B3GALT5: variants seen among roughly 807,000 people sequenced by gnomAD.
B3GALT5 encodes the protein beta-1,3-galactosyltransferase 5, also known as UDP-Gal:betaGlcNAc beta 1,3-galactosyltransferase, polypeptide 5.
For synonymous variants in B3GALT5, 156 were observed against 158.6 expected (o/e 0.98, Z 0.12); for missense variants, 328 against 396.6 (o/e 0.83, Z 1.47).
At chr21:39,618,389 A>G (rs2079117880) in intron 1 of B3GALT5, among the ~76,000 whole-genome samples, 1 of 152,194 alleles carries the variant, frequency 6.6e-6, no homozygotes, top group South Asian at 2.1e-4. Flanking sequence ...GATTTGTACC[A>G]ATTTATGCTC....
At chr21:39,656,665 T>C (rs935940926) in intron 2 of B3GALT5, among the ~76,000 whole-genome samples, 10 of 152,204 alleles carry the variant, frequency 6.6e-5, no homozygotes, top group Non-Finnish European at 1.5e-4. Context: ...TTCCAGTCCT[T>C]AGAGAGGTGG....
rs1569221795 is a variant in B3GALT5, at chr21:39,659,898, C to T, written c.-15C>T. 1.0e-6 allele frequency: 1 copy of T among 985,186 alleles called. No individual in the cohort carries two copies. The highest frequency in any genetic ancestry group is 1.2e-6 in the Non-Finnish European group (1 of 829,888). The allele number at this position is 985,186 out of a possible 1,614,324, so 61.0% of individuals were successfully genotyped here. On this transcript the variant is annotated 5_prime_UTR_variant, in exon 3 of 4. Coordinates refer to ENST00000684187, the MANE Select transcript of B3GALT5 (RefSeq NM_001356336.2). ...TTTAGCTTTCAAACCAGAGGTTCCT[C>T]TTACCCAGCAAAAAGTGAGTTATAC...
At chr21:39,621,544 C>T (rs13051335) in intron 1 of B3GALT5, among the ~76,000 whole-genome samples, 8,564 of 151,304 alleles carry the variant, frequency 0.057, 246 homozygotes, top group South Asian at 0.085. Flanking sequence ...GTTGTTGCAT[C>T]GTAGAGTGGA....
In B3GALT5 at chr21:39,661,341, A is replaced by G; in HGVS notation, c.782A>G (p.His261Arg). The change falls in exon 4 of 4, where the codon CAC becomes CGC. Residue 261 changes from histidine (H) to arginine (R), a missense_variant. His to Arg is a conservative substitution (Grantham distance 29). Transcript: ENST00000684187. The surrounding 1 kb of genome is among the most constrained non-coding windows in gnomAD (Gnocchi z 4.7). ...CTGAACATCAGATTGGAGGAGCTCCACTCCCAGCCGACCTTTTTTCCAGGG... is the reference window on the plus strand; with the variant it reads ...CTGAACATCAGATTGGAGGAGCTCCGCTCCCAGCCGACCTTTTTTCCAGGG... ...ERLNIRLEEL[H>R]SQPTFFPGGL... 6.2e-7 allele frequency: 1 copy of G among 1,612,440 alleles called. No homozygotes were observed. The highest frequency in any genetic ancestry group is 8.5e-7 in the Non-Finnish European group (1 of 1,179,394).
intron 1 of B3GALT5, among the ~76,000 whole-genome samples, chr21:39,619,470 T>C (rs530194462): frequency 6.6e-6 from 1 of 152,214 alleles, no homozygotes; most frequent in Non-Finnish European, 1.5e-5. Context: ...ATTCCGTCCA[T>C]AGCATTGGTT....
intron 2 of B3GALT5, among the ~76,000 whole-genome samples, chr21:39,654,677 C>A (rs561214808): frequency 1.3e-5 from 2 of 152,116 alleles, no homozygotes; most frequent in African/African-American, 4.8e-5. Context: ...TCATTGTTGT[C>A]GTATTTTAAG....
chr21:39,639,548 C>G (rs1205327), intron 1 of B3GALT5, among the ~76,000 whole-genome samples: 1 of 150,436 alleles, frequency 6.6e-6, no homozygotes, highest in South Asian at 2.1e-4. Context: ...GGCGCGATCT[C>G]TGCTCACTGC....
intron 2 of B3GALT5, among the ~76,000 whole-genome samples, 169 bp downstream of exon 2, chr21:39,646,791 A>G (rs1455623626): frequency 1.3e-5 from 2 of 152,210 alleles, no homozygotes; most frequent in Non-Finnish European, 2.9e-5. Context: ...AAACTGGGAA[A>G]GAGCAGGAGG....
chr21:39,658,432 G>T (rs1161963552), intron 2 of B3GALT5, among the ~76,000 whole-genome samples: 1 of 152,128 alleles, frequency 6.6e-6, no homozygotes, highest in Non-Finnish European at 1.5e-5. Context: ...AAAAGGAGCA[G>T]AATTATTCAA....
intron 2 of B3GALT5, among the ~76,000 whole-genome samples, chr21:39,651,822 A>G (rs1301299692): frequency 2.0e-5 from 3 of 152,162 alleles, no homozygotes; most frequent in Non-Finnish European, 4.4e-5. Flanking sequence ...AAATGAGGCG[A>G]TGAGGAAGTG....
At chr21:39,632,662 C>T (rs2079199757) in intron 1 of B3GALT5, among the ~76,000 whole-genome samples, 1 of 152,166 alleles carries the variant, frequency 6.6e-6, no homozygotes, top group South Asian at 2.1e-4. Context: ...ATCCATTGGA[C>T]CTGGTGAAGA....
Position 39,660,987 on chromosome 21 carries a change from A to G in B3GALT5, c.428A>G (p.His143Arg), listed in dbSNP as rs146963445. ...LKTMMGIEWV[H>R]RFCPQAAFVM... ...ACCATGATGGGCATAGAATGGGTCC[A>G]TCGCTTTTGTCCTCAGGCGGCGTTT... Residue 143 changes from histidine to arginine, a missense_variant, in exon 4 of 4, where the codon CAT becomes CGT. By Grantham distance (29) the His-to-Arg change is conservative. Transcript: ENST00000684187. 18 of 1,611,870 alleles carry G rather than the reference A, an allele frequency of 1.1e-5. No individual in the cohort carries two copies. The highest frequency in any genetic ancestry group is 8.0e-5 in the African/African-American group (6 of 74,884).
In B3GALT5 at chr21:39,661,225, T is replaced by G. The variant is rs1569223758; in HGVS notation, c.666T>G (p.Ser222=). The G allele has an allele frequency of 6.2e-7, 1 of 1,614,202 alleles. No homozygotes were observed. The highest frequency in any genetic ancestry group is 1.7e-5 in the Admixed American group (1 of 60,022). Residue 222 remains serine, a synonymous_variant, in exon 4 of 4, where the codon TCT becomes TCG. Transcript: ENST00000684187. The surrounding 1 kb of genome is among the most constrained non-coding windows in gnomAD (Gnocchi z 4.7). ...GCTCCGGCACCGGCTACGTGTTTTC[T>G]GGCGACGTGGCGAGTCAGGTGTACA... The part of the protein sequence containing the change: ...PFCSGTGYVF[S]GDVASQVYNV...
Position 39,660,912 on chromosome 21 carries a change from A to C in B3GALT5, c.353A>C (p.Asp118Ala), listed in dbSNP as rs781674195. 2.2e-5 allele frequency: 35 copies of C among 1,610,444 alleles called. No homozygotes were observed. The highest frequency in any genetic ancestry group is 1.4e-5 in the Non-Finnish European group (17 of 1,178,214). ...GACCAGGAGAGCCAGCGACACGGGGACATTATCCAGAAGGATTTCCTAGAC... is the reference window on the plus strand; with the variant it reads ...GACCAGGAGAGCCAGCGACACGGGGCCATTATCCAGAAGGATTTCCTAGAC... ...EVDQESQRHG[D>A]IIQKDFLDVY... Residue 118 changes from aspartate to alanine, a missense_variant, in exon 4 of 4, where the codon GAC (aspartate) becomes GCC (alanine). Physicochemically the swap from Asp to Ala is moderately radical, Grantham distance 126. Transcript: ENST00000684187.
At chr21:39,640,960 G>A (rs985372664) in intron 1 of B3GALT5, among the ~76,000 whole-genome samples, 6 of 152,000 alleles carry the variant, frequency 3.9e-5, no homozygotes, top group East Asian at 1.9e-4. Context: ...GGCTGGTGTC[G>A]TCTCGAACTC....
chr21:39,641,606 T>C (rs185016415), intron 1 of B3GALT5, among the ~76,000 whole-genome samples: 1 of 152,342 alleles, frequency 6.6e-6, no homozygotes, highest in East Asian at 1.9e-4. Flanking sequence ...TACTAATTGT[T>C]TGCATAACCA....
chr21:39,639,398 CTTTTT>C (rs2079264969), intron 1 of B3GALT5, among the ~76,000 whole-genome samples: 19 of 75,890 alleles, frequency 2.5e-4, no homozygotes, highest in East Asian at 3.8e-4. Flanking sequence ...TTCCTTCTTT[CTTTTT>C]CTTTCTTTCT....
intron 1 of B3GALT5, among the ~76,000 whole-genome samples, chr21:39,642,887 A>AAAG (rs1555926644): frequency 3.5e-5 from 5 of 141,626 alleles, no homozygotes; most frequent in Non-Finnish European, 6.0e-5. Flanking sequence ...AAAAAAAAAA[A>AAAG]AAAAGAAAAG....
chr21:39,664,429 G>A lies in B3GALT5; in HGVS notation c.*2937G>A, dbSNP rs2079560571. 6.5e-6 allele frequency: 1 copy of A among 152,708 alleles called. No individual in the cohort carries two copies. Among genetic ancestry groups the A allele is most frequent in the African/African-American group, 2.4e-5 (1 of 41,408 alleles). 9.5% of individuals were successfully genotyped at this position (152,708 alleles called of 1,614,324 possible). A position where few individuals can be genotyped will look rare whatever the true frequency, so the allele number is the denominator to read the frequency against. Reference sequence around the variant, plus strand: ...CAGCTCTTCTTCCACAGCTCCTGATGTGGCCTCACTCTCGTCCTACCACCT... The same window carrying A: ...CAGCTCTTCTTCCACAGCTCCTGATATGGCCTCACTCTCGTCCTACCACCT... On this transcript the variant is annotated 3_prime_UTR_variant, in exon 4 of 4. Transcript: ENST00000684187.
Sources: allele counts gnomAD v4.1 joint callset (sites outside exome capture counted in the v4.1 genomes callset), GRCh38; gene constraint gnomAD v4.1.1; non-coding constraint Gnocchi (gnomAD v3.1); transcripts MANE v1.5; gene names NCBI Gene and HGNC (gene_info 2026-07-23, HGNC 2026-07-21).